SLC7A10: variants seen among roughly 807,000 people sequenced by gnomAD.
SLC7A10 encodes the protein solute carrier family 7 member 10.
Under a neutral mutation model 52.7 loss-of-function variants are expected in SLC7A10, and 30 were observed. The ratio of observed to expected loss-of-function variants is 0.57; its 90% CI spans 0.43 to 0.77. The LOEUF (loss-of-function observed/expected upper bound fraction) is 0.77, where lower values mean the gene tolerates loss of function less well. SLC7A10 is among the 30% of genes least tolerant of loss of function. The pLI, the probability that SLC7A10 is intolerant of heterozygous loss-of-function variation, is 0.00. For synonymous variants in SLC7A10, 318 were observed against 314.9 expected (o/e 1.01, Z -0.10); for missense variants, 581 against 698.5 (o/e 0.83, Z 1.90).
chr19:33,215,175 G>A (rs1321906375), intron 2 of SLC7A10, among the ~76,000 whole-genome samples: 4 of 151,568 alleles, frequency 2.6e-5, no homozygotes, highest in Non-Finnish European at 5.9e-5. Context: ...GTCTGAGGCA[G>A]GAGAATCACT....
At chr19:33,221,901 G>C (rs561159902) in intron 1 of SLC7A10, among the ~76,000 whole-genome samples, 2 of 152,158 alleles carry the variant, frequency 1.3e-5, no homozygotes, top group Non-Finnish European at 2.9e-5. Context: ...GGAGCTGGCC[G>C]AGGTTCCTGG....
At position 33,209,943 on chromosome 19, in the gene SLC7A10, A is replaced by ATT. The variant is rs11455629; in HGVS notation, c.1264-460_1264-459dup. On this transcript the variant is annotated intron_variant, in intron 9 of 10. Transcript: ENST00000253188. ...CAGTTCCTGAGTCTCATTTTCTTTA[A>ATT]TTTTTTTTTTTTTTTGAGACAGGGT... is the stretch of plus-strand genomic sequence containing the variant. Among the ~76,000 whole-genome samples the ATT allele has an allele frequency of 2.9e-3, 409 of 141,964 alleles. 2 individuals carry two copies. The highest frequency in any genetic ancestry group is 0.019 in the East Asian group (92 of 4,850). The allele number at this position is 141,964 out of a possible 152,430, so 93.1% of individuals were successfully genotyped here.
At chr19:33,218,682 T>TCTCTCTCTTTCTTTC (rs1491398365) in intron 1 of SLC7A10, among the ~76,000 whole-genome samples, 1 of 34,620 alleles carries the variant, frequency 2.9e-5, no homozygotes, top group East Asian at 5.8e-4. Context: ...TCTTTCTTTC[T>TCTCTCTCTTTCTTTC]TTTTTTTTTT....
chr19:33,219,196 C>G (rs1055728886), intron 1 of SLC7A10, among the ~76,000 whole-genome samples: 2 of 152,106 alleles, frequency 1.3e-5, no homozygotes, highest in African/African-American at 2.4e-5. Flanking sequence ...TGACTGCCCC[C>G]CAAGTCGGCC....
chr19:33,212,545 G>C lies in SLC7A10; in HGVS notation c.603C>G (p.Ile201Met). ...TGGKLLALSL[I>M]IGVGLLQIFQ... ...AGATCTGGAGAAGGCCCACGCCGATGATGAGGGACAAGGCCAGCAGCTTCC... is the reference window on the plus strand; with the variant it reads ...AGATCTGGAGAAGGCCCACGCCGATCATGAGGGACAAGGCCAGCAGCTTCC... The change falls in exon 4 of 11, where the codon ATC becomes ATG. Residue 201 changes from isoleucine (I) to methionine (M), a missense_variant. Coordinates refer to ENST00000253188, the MANE Select transcript of SLC7A10 (RefSeq NM_019849.3). 6.2e-7 allele frequency: 1 copy of C among 1,614,042 alleles called. No homozygotes were observed. The highest frequency in any genetic ancestry group is 8.5e-7 in the Non-Finnish European group (1 of 1,180,042).
Position 33,215,878 on chromosome 19 carries a change from CACCCAGG to C in SLC7A10, c.240_246del (p.Leu81GlyfsTer3). The C allele has an allele frequency of 6.2e-7, 1 of 1,609,912 alleles. No individual in the cohort carries two copies. Among genetic ancestry groups the C allele is most frequent in the Non-Finnish European group, 8.5e-7 (1 of 1,178,422 alleles). ...AGGGAGCCCAGAGCCGTCACGCCCC[CACCCAGG>C]ACCCAGACGAACAGGGCCAGACCCA... is the stretch of plus-strand genomic sequence containing the variant. On this transcript the variant is annotated frameshift_variant, in exon 2 of 11. Transcript: ENST00000253188. LOFTEE classifies it high-confidence loss of function.
chr19:33,213,652 T>C (rs1974608607), intron 2 of SLC7A10, among the ~76,000 whole-genome samples: 1 of 152,174 alleles, frequency 6.6e-6, no homozygotes, highest in Non-Finnish European at 1.5e-5. Flanking sequence ...TGAGCCAGGG[T>C]CCCTGTCCCC....
Position 33,215,659 on chromosome 19 carries a change from C to T in SLC7A10, c.356+110G>A, listed in dbSNP as rs1256505337. 6.5e-6 allele frequency: 8 copies of T among 1,229,886 alleles called. No individual in the cohort carries two copies. The East Asian group carries it at 1.9e-4, about 29-fold the overall frequency. The allele number at this position is 1,229,886 out of a possible 1,614,324, so 76.2% of individuals were successfully genotyped here. A position where few individuals can be genotyped will look rare whatever the true frequency, so the allele number is the denominator to read the frequency against. ...CCCACACCTTCTCTCCATCCACCCC[C>T]ACGACCTCCCTAGGAAGCCGGAAGC... is the stretch of plus-strand genomic sequence containing the variant. On this transcript the variant is annotated intron_variant, in intron 2 of 10. Coordinates refer to ENST00000253188, the MANE Select transcript of SLC7A10 (RefSeq NM_019849.3).
rs1974905294 is a variant in SLC7A10 at position 33,225,559 on chromosome 19, T to C, written c.145A>G (p.Ile49Val). Reference protein sequence around the residue: ...EIGLLSACTIIIGNIIGSGIF... With the variant: ...EIGLLSACTIVIGNIIGSGIF... ...CCGCCTGGGTCCCGCTCACCGATGA[T>C]GATGGTGCAGGCGCTCAGCAGCCCG... The change falls in exon 1 of 11, where the codon ATC becomes GTC. Residue 49 changes from isoleucine to valine, a missense_variant. By Grantham distance (29) the Ile-to-Val change is conservative. Coordinates refer to ENST00000253188, the MANE Select transcript of SLC7A10 (RefSeq NM_019849.3). 5.6e-6 allele frequency: 9 copies of C among 1,596,544 alleles called. No individual in the cohort carries two copies. In the East Asian group the frequency reaches 6.7e-5, roughly 12 times the overall value.
intron 9 of SLC7A10, 122 bp from the exon 10 acceptor site, chr19:33,209,607 C>T (rs1397535178): frequency 1.0e-6 from 1 of 956,928 alleles, no homozygotes; most frequent in African/African-American, 1.7e-5. Context: ...AGGGCAATTG[C>T]ACCCACTACA....
chr19:33,215,933 C>G lies in SLC7A10; in HGVS notation c.192G>C (p.Gly64=). 2 of 1,598,580 alleles carry G rather than the reference C, an allele frequency of 1.3e-6. No individual in the cohort carries two copies. Among genetic ancestry groups the G allele is most frequent in the South Asian group, 2.2e-5 (2 of 90,064 alleles). ...CCACGGAGCCTGAGTGCTCCAGGAC[C>G]CCCTTGGGCGAGATGAAGATGCCCG... ...IGSGIFISPK[G]VLEHSGSVGL... Residue 64 remains glycine (G), a synonymous_variant, in exon 2 of 11, where the codon GGG becomes GGC. Coordinates refer to ENST00000253188, the MANE Select transcript of SLC7A10 (RefSeq NM_019849.3).
chr19:33,215,583 A>AC (rs1430961101), intron 2 of SLC7A10, among the ~76,000 whole-genome samples, 186 bp downstream of exon 2: 14 of 106,362 alleles, frequency 1.3e-4, no homozygotes, highest in African/African-American at 4.3e-4. Flanking sequence ...GCTGTCCAGC[A>AC]CCCCCACACC....
At chr19:33,214,250 G>A (rs978577776) in intron 2 of SLC7A10, among the ~76,000 whole-genome samples, 4 of 152,080 alleles carry the variant, frequency 2.6e-5, no homozygotes, top group Non-Finnish European at 5.9e-5. Flanking sequence ...GCCCTGGCAC[G>A]TCTCCCCATC....
Position 33,208,705 on chromosome 19 carries a change from G to T in SLC7A10, c.*186C>A. 1.4e-6 allele frequency: 1 copy of T among 718,536 alleles called. No homozygotes were observed. Among genetic ancestry groups the T allele is most frequent in the Non-Finnish European group, 2.3e-6 (1 of 435,312 alleles). The allele number at this position is 718,536 out of a possible 1,614,324, so 44.5% of individuals were successfully genotyped here. A position where few individuals can be genotyped will look rare whatever the true frequency, so the allele number is the denominator to read the frequency against. ...TTATTTATAGGCCTTTTCAGGAAGA[G>T]CTAGCAGGGCAGTGCTAAGACAGGA... On this transcript the variant is annotated 3_prime_UTR_variant, in exon 11 of 11. Transcript: ENST00000253188. The surrounding 1 kb of genome is among the most constrained non-coding windows in gnomAD (Gnocchi z 4.7).
intron 1 of SLC7A10, among the ~76,000 whole-genome samples, chr19:33,218,668 T>C (rs564202673): frequency 1.0e-3 from 69 of 66,394 alleles, no homozygotes; most frequent in South Asian, 1.7e-3. Context: ...TGGATTTCTT[T>C]CTTTCTTTCT....
At chr19:33,209,049 C>T (rs780438843) in intron 10 of SLC7A10, 28 bp from the exon 11 acceptor site, 3 of 1,612,470 alleles carry the variant, frequency 1.9e-6, no homozygotes, top group South Asian at 2.2e-5. Flanking sequence ...GACCTTGGGG[C>T]CTGACCTCTC....
chr19:33,224,100 C>A (rs1172668798), intron 1 of SLC7A10, among the ~76,000 whole-genome samples: 1 of 152,086 alleles, frequency 6.6e-6, no homozygotes, highest in African/African-American at 2.4e-5. Context: ...CTGGGCTTAG[C>A]TGAGGAGCCC....
Position 33,225,651 on chromosome 19 carries a change from G to A in SLC7A10, c.53C>T (p.Pro18Leu), listed in dbSNP as rs1253669736. ...GGTCCCTGGGACTGGGGAGGGCGAGGGCGCAGGCCTGGGGTTCCCGCGCCC... is the reference window on the plus strand; with the variant it reads ...GGTCCCTGGGACTGGGGAGGGCGAGAGCGCAGGCCTGGGGTTCCCGCGCCC... ...PSGRGNPRPA[P>L]SPSPVPGTVP... Residue 18 changes from proline (P) to leucine (L), a missense_variant, in exon 1 of 11, where the codon CCC becomes CTC. Physicochemically the swap from Pro to Leu is moderately conservative, Grantham distance 98 (BLOSUM62 -3). Transcript: ENST00000253188. 1.3e-6 allele frequency: 2 copies of A among 1,581,650 alleles called. No individual in the cohort carries two copies. The highest frequency in any genetic ancestry group is 1.7e-6 in the Non-Finnish European group (2 of 1,173,384).
chr19:33,219,737 C>T (rs1256895445), intron 1 of SLC7A10: 2 of 152,404 alleles, frequency 1.3e-5, no homozygotes, highest in African/African-American at 4.8e-5. Context: ...TGTGGCAGGC[C>T]TCTGCCCAGC....
Sources: gnomAD v4.1 joint callset for allele counts (sites outside exome capture counted in the v4.1 genomes callset) on GRCh38, gnomAD v4.1.1 for gene constraint, Gnocchi (gnomAD v3.1) non-coding constraint, MANE v1.5 for transcripts, NCBI Gene and HGNC (gene_info 2026-07-23, HGNC 2026-07-21) for gene names.